The following ASNS variants were observed in gnomAD, a reference collection of about 807,000 sequenced individuals.
ASNS encodes asparagine synthetase [glutamine-hydrolyzing].
ASNS carries 37 observed loss-of-function variants against 62.6 expected under a neutral mutation model. That is an observed-to-expected ratio of 0.59 (90% CI 0.45 to 0.78). The LOEUF (loss-of-function observed/expected upper bound fraction) is 0.78, where lower values mean the gene tolerates loss of function less well. Ranked by LOEUF, ASNS falls within the 30% of genes least tolerant of loss-of-function variation. The pLI, the probability that ASNS is intolerant of heterozygous loss-of-function variation, is 0.00. For missense variants in ASNS, 520 were observed against 682.4 expected (o/e 0.76, Z 2.65); for synonymous variants, 207 against 237.9 (o/e 0.87, Z 1.19).
chr7:97,880,934 T>TGTTTTTG, the ASNS span, among the ~76,000 whole-genome samples: 494 of 150,266 alleles, frequency 3.3e-3, 1 homozygote, highest in South Asian at 0.011. Context: ...TGTGTGTGTG[T>TGTTTTTG]TTTTGTTTTG....
chr7:97,854,454 C>G lies in ASNS; in HGVS notation c.1238+126G>C, dbSNP rs1360581859. The G allele has an allele frequency of 8.0e-6, 9 of 1,131,136 alleles. No individual in the cohort carries two copies. The East Asian group carries it at 2.2e-4, about 28-fold the overall frequency. 70.1% of individuals were successfully genotyped at this position (1,131,136 alleles called of 1,614,324 possible). A position where few individuals can be genotyped will look rare whatever the true frequency, so the allele number is the denominator to read the frequency against. ...AAAGTCACACTTTGTAACATATAGC[C>G]AACTATATGTAACATATAGCCAATC... On this transcript the variant is annotated intron_variant, in intron 10 of 12. Transcript: ENST00000394308.
In ASNS at chr7:97,852,694, T is replaced by G. The variant is rs141861063; in HGVS notation, c.1477-226A>C. Among the ~76,000 whole-genome samples the G allele has an allele frequency of 1.4e-3, 211 of 152,324 alleles. 3 individuals carry two copies. In the South Asian group the frequency reaches 0.035, roughly 25 times the overall value. Reference sequence around the variant, plus strand: ...ATTTTTAATACTTGGTGGCTCTGTTTTAGTCATTTGTGCCTAACAAGATCT... The same window carrying G: ...ATTTTTAATACTTGGTGGCTCTGTTGTAGTCATTTGTGCCTAACAAGATCT... On this transcript the variant is annotated intron_variant, in intron 12 of 12. Transcript: ENST00000394308.
At chr7:97,856,554 C>T in intron 8 of ASNS, 136 bp downstream of exon 8, 1 of 758,896 alleles carries the variant, frequency 1.3e-6, no homozygotes, top group Admixed American at 3.3e-5. Flanking sequence ...CTTAAATAAT[C>T]AGTAACATAG....
chr7:97,892,038 GC>G, the ASNS span, among the ~76,000 whole-genome samples: 1 of 152,220 alleles, frequency 6.6e-6, no homozygotes, highest in Non-Finnish European at 1.5e-5. Context: ...CCCTGCCCCT[GC>G]AGCAAACTCC....
chr7:97,896,737 C>CATATATATATAT, the ASNS span, among the ~76,000 whole-genome samples: 258 of 30,326 alleles, frequency 8.5e-3, 1 homozygote, highest in East Asian at 0.012. Context: ...CACACACACA[C>CATATATATATAT]ACACATATAT....
chr7:97,874,678 G>A (rs1271312200), upstream of ASNS, among the ~76,000 whole-genome samples: 3 of 152,200 alleles, frequency 2.0e-5, no homozygotes, highest in South Asian at 2.1e-4. Flanking sequence ...CTGACTTCCC[G>A]CAACACAGCA....
chr7:97,861,083 G>A (rs547915847), intron 4 of ASNS, among the ~76,000 whole-genome samples: 3 of 136,366 alleles, frequency 2.2e-5, no homozygotes, highest in South Asian at 2.3e-4. Context: ...GTGCAGTTGC[G>A]CGATCTCGGC....
chr7:97,902,264 T>C, the ASNS span, among the ~76,000 whole-genome samples: 1 of 152,196 alleles, frequency 6.6e-6, no homozygotes, highest in Admixed American at 6.5e-5. Context: ...CCCCTGGTGC[T>C]CATTTCAGAG....
chr7:97,878,393 A>T, the ASNS span, among the ~76,000 whole-genome samples: 1 of 152,206 alleles, frequency 6.6e-6, no homozygotes, highest in South Asian at 2.1e-4. Flanking sequence ...GGAGTACGTG[A>T]CTGGGGCTGC....
intron 3 of ASNS, among the ~76,000 whole-genome samples, chr7:97,865,200 C>T (rs1791906462): frequency 1.3e-5 from 2 of 152,130 alleles, no homozygotes; most frequent in Admixed American, 1.3e-4. Context: ...ACCATTAATA[C>T]AGTAAGAAAG....
At chr7:97,915,339 C>T in the ASNS span, among the ~76,000 whole-genome samples, 2 of 152,230 alleles carry the variant, frequency 1.3e-5, no homozygotes, top group African/African-American at 4.8e-5. Flanking sequence ...CAAACCATCA[C>T]TATCTAATAC....
the ASNS span, chr7:97,928,083 C>A: frequency 1.3e-6 from 2 of 1,518,432 alleles, no homozygotes; most frequent in Non-Finnish European, 1.8e-6. Flanking sequence ...GTCACTTACT[C>A]CTCTGCCGTC....
At chr7:97,903,918 G>T in the ASNS span, among the ~76,000 whole-genome samples, 1 of 152,170 alleles carries the variant, frequency 6.6e-6, no homozygotes, top group African/African-American at 2.4e-5. Context: ...ATATATCTAA[G>T]GGGTTGCAGT....
intron 3 of ASNS, among the ~76,000 whole-genome samples, chr7:97,865,293 C>G (rs978488965): frequency 1.3e-5 from 2 of 152,214 alleles, no homozygotes; most frequent in African/African-American, 4.8e-5. Flanking sequence ...TTTCAGACTC[C>G]ACCTACAATG....
the ASNS span, among the ~76,000 whole-genome samples, chr7:97,920,247 G>T: frequency 6.6e-6 from 1 of 152,024 alleles, no homozygotes; most frequent in Non-Finnish European, 1.5e-5. Context: ...CAGGCGATCC[G>T]CCCACCTTGG....
chr7:97,922,307 A>G, the ASNS span, among the ~76,000 whole-genome samples: 1 of 152,174 alleles, frequency 6.6e-6, no homozygotes. Context: ...TCAAGGCTGC[A>G]GTGAGCAAAG....
Position 97,858,315 on chromosome 7 carries a change from C to A in ASNS, c.866G>T (p.Gly289Val), listed in dbSNP as rs369633015. 1.2e-6 allele frequency: 2 copies of A among 1,613,772 alleles called. No homozygotes were observed. The highest frequency in any genetic ancestry group is 2.2e-5 in the East Asian group (1 of 44,878). The change falls in exon 7 of 13, where the codon GGC (glycine) becomes GTC (valine). Residue 289 changes from glycine (G) to valine (V), a missense_variant. Gly to Val is a moderately radical substitution (Grantham distance 109). Transcript: ENST00000394308. ...CAGTAAATCGGGGCTGTCTTCCATG[C>A]CAATTGCAAATGTCTGGAGAGGATA... ...VQYPLQTFAI[G>V]MEDSPDLLAA...
the ASNS span, among the ~76,000 whole-genome samples, chr7:97,916,840 C>T: frequency 2.6e-5 from 4 of 152,148 alleles, no homozygotes; most frequent in South Asian, 6.2e-4. Flanking sequence ...CAGATGGGGG[C>T]GGATGGGATA....
chr7:97,896,337 C>T, the ASNS span, among the ~76,000 whole-genome samples: 1 of 151,650 alleles, frequency 6.6e-6, no homozygotes, highest in South Asian at 2.1e-4. Context: ...AGCCTATATC[C>T]CAGCACTTTG....
Sources: gnomAD v4.1 joint callset for allele counts (sites outside exome capture counted in the v4.1 genomes callset) on GRCh38, gnomAD v4.1.1 for gene constraint, MANE v1.5 for transcripts, NCBI Gene and HGNC (gene_info 2026-07-23, HGNC 2026-07-21) for gene names.